The following ULK4 variants were observed in gnomAD, a reference collection of about 807,000 sequenced individuals.
ULK4 encodes inactive serine/threonine-protein kinase ULK4.
Under a neutral mutation model 160.6 loss-of-function variants are expected in ULK4, and 133 were observed. The ratio of observed to expected loss-of-function variants is 0.83; its 90% CI spans 0.72 to 0.96. The LOEUF is 0.96. ULK4 is among the 40% of genes least tolerant of loss of function. The probability of loss-of-function intolerance (pLI) is 0.00; values close to 1 mark genes in which losing one functional copy is unlikely to be tolerated. For missense variants in ULK4, 1,580 were observed against 1,499.5 expected (o/e 1.05, Z -0.89); for synonymous variants, 534 against 539.8 (o/e 0.99, Z 0.15).
chr3:41,876,516 C>G (rs115708472), intron 17 of ULK4, among the ~76,000 whole-genome samples: 2 of 152,108 alleles, frequency 1.3e-5, no homozygotes, highest in African/African-American at 4.8e-5. Context: ...TAGATTACCC[C>G]CTAAAGTTGA....
intron 34 of ULK4, among the ~76,000 whole-genome samples, chr3:41,431,355 AAATAATAAT>A (rs57010705): frequency 0.073 from 10,103 of 139,030 alleles, 947 homozygotes; most frequent in African/African-American, 0.22. Context: ...ACACACACAC[AAATAATAAT>A]AATAATAATA....
intron 21 of ULK4, among the ~76,000 whole-genome samples, chr3:41,785,125 A>G (rs2039963129): frequency 6.6e-6 from 1 of 152,222 alleles, no homozygotes; most frequent in Non-Finnish European, 1.5e-5. Flanking sequence ...AGGTGAACAC[A>G]AAGATGTATG....
At chr3:41,574,319 A>G (rs566669091) in intron 31 of ULK4, among the ~76,000 whole-genome samples, 3 of 152,194 alleles carry the variant, frequency 2.0e-5, no homozygotes, top group South Asian at 4.1e-4. Context: ...CACAAACCTT[A>G]GAATCATCGG....
intron 32 of ULK4, among the ~76,000 whole-genome samples, chr3:41,501,320 AC>A (rs1195780150): frequency 3.3e-5 from 5 of 152,152 alleles, no homozygotes; most frequent in African/African-American, 9.7e-5. Context: ...ACACGGTGAA[AC>A]CCCGTCTCTA....
chr3:41,376,321 C>T lies in ULK4; in HGVS notation c.3678+21758G>A, dbSNP rs141316658. On this transcript the variant is annotated intron_variant, in intron 35 of 36. Transcript: ENST00000301831. ...TCATTCCACTATAAAGACACATACACACATATGTTTATTGCAGCACTATTC... is the reference window on the plus strand; with the variant it reads ...TCATTCCACTATAAAGACACATACATACATATGTTTATTGCAGCACTATTC... Among the ~76,000 whole-genome samples the T allele has an allele frequency of 8.9e-4, 134 of 150,356 alleles. 6 individuals carry two copies. Among genetic ancestry groups the T allele is most frequent in the African/African-American group, 3.2e-3 (130 of 40,382 alleles).
intron 32 of ULK4, among the ~76,000 whole-genome samples, chr3:41,502,392 G>A (rs1234544779): frequency 1.3e-5 from 2 of 152,180 alleles, no homozygotes; most frequent in South Asian, 4.1e-4. Context: ...GAGATGGGCA[G>A]TTTCTTGTAA....
chr3:41,392,779 T>C (rs1355404833), intron 35 of ULK4, among the ~76,000 whole-genome samples: 1 of 152,126 alleles, frequency 6.6e-6, no homozygotes, highest in Non-Finnish European at 1.5e-5. Flanking sequence ...CTTAACTTCT[T>C]ATGGTCAAGA....
At chr3:41,282,190 T>G (rs936526077) in intron 35 of ULK4, among the ~76,000 whole-genome samples, 1 of 152,164 alleles carries the variant, frequency 6.6e-6, no homozygotes, top group African/African-American at 2.4e-5. Flanking sequence ...TCCTCATGGA[T>G]AGGAAGAATT....
intron 31 of ULK4, among the ~76,000 whole-genome samples, chr3:41,601,015 T>C (rs1471303096): frequency 6.6e-6 from 1 of 152,152 alleles, no homozygotes; most frequent in Non-Finnish European, 1.5e-5. Context: ...ACAAGACCCT[T>C]ATTTAAAAAA....
At chr3:41,314,021 C>T (rs931055517) in intron 35 of ULK4, among the ~76,000 whole-genome samples, 2 of 152,224 alleles carry the variant, frequency 1.3e-5, no homozygotes, top group African/African-American at 2.4e-5. Flanking sequence ...GGCAAGCAAG[C>T]GTCGACTGCC....
intron 32 of ULK4, among the ~76,000 whole-genome samples, chr3:41,506,083 C>T (rs1454528475): frequency 6.6e-6 from 1 of 151,988 alleles, no homozygotes; most frequent in Non-Finnish European, 1.5e-5. Context: ...AAAAACGAAA[C>T]TAGAAATGTC....
chr3:41,805,870 GCTGGA>G (rs1277842374), intron 19 of ULK4, among the ~76,000 whole-genome samples: 2 of 145,782 alleles, frequency 1.4e-5, no homozygotes, highest in African/African-American at 2.6e-5. Context: ...TGGATGTGCT[GCTGGA>G]TTTGGTTTGC....
chr3:41,336,709 C>A (rs1329306806), intron 35 of ULK4, among the ~76,000 whole-genome samples: 1 of 152,182 alleles, frequency 6.6e-6, no homozygotes, highest in African/African-American at 2.4e-5. Context: ...AGGTCTCCAG[C>A]ATTTCCACAA....
At chr3:41,803,334 A>G (rs895282112) in intron 19 of ULK4, among the ~76,000 whole-genome samples, 5 of 152,180 alleles carry the variant, frequency 3.3e-5, no homozygotes, top group African/African-American at 1.2e-4. Context: ...ACCAAGTTAG[A>G]CCATGTTCAG....
At chr3:41,432,079 A>G (rs1387497248) in intron 34 of ULK4, among the ~76,000 whole-genome samples, 2 of 151,858 alleles carry the variant, frequency 1.3e-5, no homozygotes, top group African/African-American at 4.8e-5. Flanking sequence ...TATTGTTGTT[A>G]CTTGTAAATG....
At chr3:41,311,877 C>CATATATAT (rs143621818) in intron 35 of ULK4, among the ~76,000 whole-genome samples, 1 of 146,574 alleles carries the variant, frequency 6.8e-6, no homozygotes, top group African/African-American at 2.6e-5. Context: ...AAACTCTCCT[C>CATATATAT]ATATATATAT....
chr3:41,729,400 G>A (rs906581930), intron 22 of ULK4, among the ~76,000 whole-genome samples: 3 of 152,170 alleles, frequency 2.0e-5, no homozygotes, highest in South Asian at 2.1e-4. Context: ...AGAAGAAGCC[G>A]ACATTGTGTC....
intron 25 of ULK4, among the ~76,000 whole-genome samples, chr3:41,713,789 G>A (rs2125840233): frequency 6.6e-6 from 1 of 152,282 alleles, no homozygotes; most frequent in South Asian, 2.1e-4. Context: ...ATTACAAGGA[G>A]CAGACGAGTT....
intron 19 of ULK4, among the ~76,000 whole-genome samples, chr3:41,813,666 T>C (rs2040879171): frequency 6.6e-6 from 1 of 152,168 alleles, no homozygotes; most frequent in Admixed American, 6.5e-5. Context: ...AAATGTACAG[T>C]TATATTTTCT....
Sources: gnomAD v4.1 joint callset for allele counts (sites outside exome capture counted in the v4.1 genomes callset) on GRCh38, gnomAD v4.1.1 for gene constraint, MANE v1.5 for transcripts, NCBI Gene and HGNC (gene_info 2026-07-23, HGNC 2026-07-21) for gene names.